The following SDAD1 variants were observed in gnomAD, a reference collection of about 807,000 sequenced individuals.
SDAD1 encodes protein SDA1 homolog.
In SDAD1, 79 loss-of-function variants were observed where a neutral mutation model predicts 100.3. The ratio of observed to expected loss-of-function variants is 0.79; its 90% CI spans 0.66 to 0.95. SDAD1 has a LOEUF of 0.95. Among genes scored for constraint, SDAD1 ranks in the 40% least tolerant of loss-of-function variants. The pLI is 0.00. For synonymous variants in SDAD1, 267 were observed against 271.4 expected, an observed-to-expected ratio of 0.98 and a Z score of 0.16; for missense variants, 790 against 810.9, an observed-to-expected ratio of 0.97 and a Z score of 0.31.
At chr4:75,967,511 C>A (rs1729617487) in intron 11 of SDAD1, among the ~76,000 whole-genome samples, 177 bp from the exon 12 acceptor site, 1 of 152,178 alleles carries the variant, frequency 6.6e-6, no homozygotes, top group Non-Finnish European at 1.5e-5. Context: ...GCTAGGAATT[C>A]TCTCAAATGA....
At chr4:75,954,184 A>G (rs58989116) in intron 21 of SDAD1, among the ~76,000 whole-genome samples, 1,601 of 152,196 alleles carry the variant, frequency 0.011, 28 homozygotes, top group African/African-American at 0.037. Flanking sequence ...GATCAAGACC[A>G]TCCTGGCTAA....
At position 75,958,755 on chromosome 4, in the gene SDAD1, G is replaced by A. The variant is rs528253653; in HGVS notation, c.1484-814C>T. ...AGTCTCTGCTATTCTAGCATTCCTT[G>A]CCAAATACCTGGCTCATCAGTCACC... On this transcript the variant is annotated intron_variant, in intron 17 of 21. Coordinates refer to ENST00000356260, the MANE Select transcript of SDAD1 (RefSeq NM_018115.4). Among the ~76,000 whole-genome samples the A allele has an allele frequency of 2.8e-3, 422 of 148,380 alleles. 3 individuals carry two copies. Among genetic ancestry groups the A allele is most frequent in the African/African-American group, 1.0e-2 (399 of 39,990 alleles).
At chr4:75,972,505 G>A (rs1476218126) in intron 8 of SDAD1, among the ~76,000 whole-genome samples, 1 of 151,374 alleles carries the variant, frequency 6.6e-6, no homozygotes, top group Admixed American at 6.6e-5. Flanking sequence ...TCTGAAATAA[G>A]TATCATTTGC....
chr4:75,967,696 T>C (rs1729625678), intron 11 of SDAD1, among the ~76,000 whole-genome samples: 1 of 152,202 alleles, frequency 6.6e-6, no homozygotes, highest in South Asian at 2.1e-4. Context: ...ACAGCATTGA[T>C]ACCAAGGCTC....
At chr4:75,953,171 T>C (rs1184004125) in intron 21 of SDAD1, among the ~76,000 whole-genome samples, 2 of 152,196 alleles carry the variant, frequency 1.3e-5, no homozygotes, top group Non-Finnish European at 2.9e-5. Context: ...AACAAGTGCA[T>C]ATGTCCAATG....
intron 1 of SDAD1, among the ~76,000 whole-genome samples, chr4:75,988,690 G>A (rs527282888): frequency 2.0e-5 from 3 of 152,244 alleles, no homozygotes; most frequent in South Asian, 2.1e-4. Flanking sequence ...CCAGCATTGT[G>A]CCTTACATAT....
In SDAD1 at chr4:75,990,652, G is replaced by C. The variant is rs766680501; in HGVS notation, c.90+100C>G. On this transcript the variant is annotated intron_variant, in intron 1 of 21. Transcript: ENST00000356260. ...GACCCCTGAACCTAACAGAAGAATA[G>C]GCGGCGAGCCTGGATCCCAGCCCCA... 2.5e-6 allele frequency: 4 copies of C among 1,602,108 alleles called. No individual in the cohort carries two copies. The Admixed American group carries it at 6.7e-5, about 27-fold the overall frequency.
intron 16 of SDAD1, 145 bp from the exon 17 acceptor site, chr4:75,960,337 T>C: frequency 1.4e-6 from 1 of 732,878 alleles, no homozygotes; most frequent in Admixed American, 3.5e-5. Context: ...AGTGCAGTGG[T>C]ACAATCTCAG....
intron 2 of SDAD1, 40 bp downstream of exon 2, chr4:75,981,893 G>A: frequency 7.7e-7 from 1 of 1,305,590 alleles, no homozygotes; most frequent in South Asian, 1.2e-5. Flanking sequence ...AGCAAACTGT[G>A]TGTTAATACT....
intron 4 of SDAD1, 74 bp from the exon 5 acceptor site, chr4:75,976,069 T>C: frequency 1.1e-6 from 1 of 912,008 alleles, no homozygotes; most frequent in South Asian, 1.6e-5. Context: ...TGGAGAACAG[T>C]ATGAATGTAC....
At position 75,981,897 on chromosome 4, in the gene SDAD1, T is replaced by C. The variant is rs748496451; in HGVS notation, c.195+36A>G. On this transcript the variant is annotated intron_variant, in intron 2 of 21. Coordinates refer to ENST00000356260, the MANE Select transcript of SDAD1 (RefSeq NM_018115.4). The stretch of plus-strand genomic sequence containing the variant: ...AAAAAACATTCAGCAAACTGTGTGT[T>C]AATACTGGTCTTTATTTAAGCAATT... 4.8e-5 allele frequency: 65 copies of C among 1,366,944 alleles called. No individual in the cohort carries two copies. The East Asian group carries it at 1.4e-3, about 29-fold the overall frequency. 84.7% of individuals were successfully genotyped at this position (1,366,944 alleles called of 1,614,324 possible).
intron 6 of SDAD1, among the ~76,000 whole-genome samples, chr4:75,974,900 A>C (rs1730074803): frequency 6.6e-6 from 1 of 151,048 alleles, no homozygotes. Flanking sequence ...AAATTAGCCG[A>C]GCATGGTGGT....
At chr4:75,984,231 A>G (rs1026148940) in intron 1 of SDAD1, among the ~76,000 whole-genome samples, 1 of 151,624 alleles carries the variant, frequency 6.6e-6, no homozygotes, top group African/African-American at 2.4e-5. Flanking sequence ...GCACAATCAT[A>G]GCTCACTGCC....
chr4:75,990,664 G>C, intron 1 of SDAD1, 88 bp downstream of exon 1: 1 of 1,605,070 alleles, frequency 6.2e-7, no homozygotes, highest in Non-Finnish European at 8.5e-7. Flanking sequence ...CGGCGAGCCT[G>C]GATCCCAGCC....
At chr4:75,969,430 G>A (rs1379162097) in intron 10 of SDAD1, 31 bp from the exon 11 acceptor site, 1 of 1,434,672 alleles carries the variant, frequency 7.0e-7, no homozygotes, top group Non-Finnish European at 9.8e-7. Context: ...GAAGTACATT[G>A]TGAGTCTATG....
At chr4:75,972,865 C>G (rs958329917) in intron 8 of SDAD1, among the ~76,000 whole-genome samples, 1 of 151,772 alleles carries the variant, frequency 6.6e-6, no homozygotes, top group Non-Finnish European at 1.5e-5. Context: ...ACCAAAAATA[C>G]AAAAAATTAG....
intron 20 of SDAD1, 145 bp downstream of exon 20, chr4:75,957,180 A>G: frequency 4.6e-6 from 3 of 650,518 alleles, no homozygotes; most frequent in South Asian, 2.0e-5. Context: ...AACATCTAAT[A>G]TCTGTGCATT....
intron 14 of SDAD1, among the ~76,000 whole-genome samples, chr4:75,961,950 C>T (rs1444825724): frequency 6.6e-6 from 1 of 152,096 alleles, no homozygotes; most frequent in African/African-American, 2.4e-5. Flanking sequence ...GCACAACGTG[C>T]AGGTTTGTTA....
chr4:75,964,001 A>C (rs939065792), intron 14 of SDAD1, 134 bp downstream of exon 14: 2 of 599,258 alleles, frequency 3.3e-6, no homozygotes, highest in Non-Finnish European at 5.8e-6. Flanking sequence ...CAAGCCTCCC[A>C]AAAAGACTGA....
Sources: allele counts gnomAD v4.1 joint callset (sites outside exome capture counted in the v4.1 genomes callset), GRCh38; gene constraint gnomAD v4.1.1; transcripts MANE v1.5; gene names NCBI Gene and HGNC (gene_info 2026-07-23, HGNC 2026-07-21).